Variants in DGKB observed in about 807,000 individuals in gnomAD.
The protein encoded by DGKB is diacylglycerol kinase beta.
DGKB carries 67 observed loss-of-function variants against 114.3 expected under a neutral mutation model. The observed-to-expected ratio is 0.59, with a 90% CI of 0.48 to 0.72. The LOEUF is 0.72. Among genes scored for constraint, DGKB ranks in the 30% least tolerant of loss-of-function variants. The pLI, the probability that DGKB is intolerant of heterozygous loss-of-function variation, is 0.00. For synonymous variants in DGKB, 398 were observed against 323.1 expected (o/e 1.23, Z -2.49); for missense variants, 907 against 975.2 (o/e 0.93, Z 0.93).
At chr7:14,647,786 C>T (rs143995081) in intron 13 of DGKB, among the ~76,000 whole-genome samples, 2,059 of 152,274 alleles carry the variant, frequency 0.014, 16 homozygotes, top group African/African-American at 0.018. Flanking sequence ...AGTGGTCGCG[C>T]GCACCATGCG....
intron 23 of DGKB, among the ~76,000 whole-genome samples, chr7:14,187,520 G>A (rs1486945844): frequency 1.3e-5 from 2 of 152,110 alleles, no homozygotes; most frequent in Non-Finnish European, 2.9e-5. Context: ...AACCAGCCTA[G>A]CGCTCCTGTC....
intron 23 of DGKB, among the ~76,000 whole-genome samples, chr7:14,304,085 A>ACT (rs1436692665): frequency 2.9e-3 from 84 of 28,540 alleles, no homozygotes; most frequent in African/African-American, 9.0e-3. Flanking sequence ...ACACACACAC[A>ACT]CACTCTCTCT....
chr7:14,601,722 G>C (rs62445593), intron 17 of DGKB, among the ~76,000 whole-genome samples: 2,876 of 152,206 alleles, frequency 0.019, 46 homozygotes, highest in Non-Finnish European at 0.027. Context: ...CCACAAAATA[G>C]TAGGACATGG....
rs1454279530 is a variant in DGKB at position 14,682,741 on chromosome 7, A to C, written c.918+12T>G. The C allele has an allele frequency of 3.1e-6, 5 of 1,612,172 alleles. No homozygotes were observed. Among genetic ancestry groups the C allele is most frequent in the Non-Finnish European group, 4.2e-6 (5 of 1,178,610 alleles). ...GGCCACCTTCAGAAAGCAAGCATGC[A>C]CACAAACTTACATCAGTGTTCCTTT... On this transcript the variant is annotated intron_variant, in intron 11 of 25. Transcript: ENST00000402815.
intron 20 of DGKB, among the ~76,000 whole-genome samples, chr7:14,498,151 G>C (rs1785578017): frequency 6.6e-6 from 1 of 151,796 alleles, no homozygotes; most frequent in African/African-American, 2.4e-5. Context: ...TGCTTAATTT[G>C]TGAAAACAAT....
intron 6 of DGKB, among the ~76,000 whole-genome samples, chr7:14,705,006 C>T (rs1373659413): frequency 5.9e-5 from 9 of 151,266 alleles, no homozygotes; most frequent in East Asian, 3.9e-4. Context: ...AGGCTTCAGA[C>T]GATCAAATTA....
chr7:14,382,150 A>G (rs1364892573), intron 21 of DGKB, among the ~76,000 whole-genome samples: 1 of 152,224 alleles, frequency 6.6e-6, no homozygotes, highest in African/African-American at 2.4e-5. Context: ...TAGTCCCGCC[A>G]AGAAGGATCG....
At chr7:14,674,747 A>G (rs1256191021) in intron 12 of DGKB, among the ~76,000 whole-genome samples, 4 of 152,242 alleles carry the variant, frequency 2.6e-5, no homozygotes, top group Middle Eastern at 3.4e-3. Flanking sequence ...ATAGGTCGAT[A>G]TCTGAGTGAT....
intron 23 of DGKB, among the ~76,000 whole-genome samples, chr7:14,215,110 C>T (rs895622808): frequency 7.9e-5 from 12 of 152,106 alleles, no homozygotes; most frequent in Admixed American, 3.3e-4. Flanking sequence ...TGATTATGAC[C>T]GGAGGCAGCA....
intron 23 of DGKB, among the ~76,000 whole-genome samples, chr7:14,271,509 C>T (rs2128433641): frequency 6.6e-6 from 1 of 152,272 alleles, no homozygotes; most frequent in African/African-American, 2.4e-5. Flanking sequence ...GGCACAGAGG[C>T]CGCAAAGCCT....
intron 23 of DGKB, among the ~76,000 whole-genome samples, chr7:14,295,651 G>A (rs191024419): frequency 6.6e-6 from 1 of 151,906 alleles, no homozygotes; most frequent in African/African-American, 2.4e-5. Flanking sequence ...TTGCTTTCCA[G>A]TAAATAAATA....
chr7:14,460,237 C>A (rs1832874599), intron 21 of DGKB, among the ~76,000 whole-genome samples: 1 of 152,068 alleles, frequency 6.6e-6, no homozygotes, highest in Non-Finnish European at 1.5e-5. Context: ...GGATCAAATT[C>A]ACACATAACA....
chr7:14,797,453 C>A (rs1364738899), intron 2 of DGKB, among the ~76,000 whole-genome samples: 1 of 152,082 alleles, frequency 6.6e-6, no homozygotes, highest in Admixed American at 6.6e-5. Context: ...AGATGCTTAT[C>A]CAGAAGGGCT....
chr7:14,667,547 T>C (rs927562473), intron 13 of DGKB, among the ~76,000 whole-genome samples: 1 of 152,052 alleles, frequency 6.6e-6, no homozygotes, highest in Non-Finnish European at 1.5e-5. Context: ...AACTGGGGCA[T>C]ACAATTTCTT....
intron 23 of DGKB, among the ~76,000 whole-genome samples, chr7:14,316,002 T>C (rs1806416031): frequency 6.6e-6 from 1 of 151,224 alleles, no homozygotes. Context: ...CTCAACTACA[T>C]GGAAACTGAA....
intron 2 of DGKB, among the ~76,000 whole-genome samples, chr7:14,827,327 C>T (rs1315035438): frequency 2.0e-5 from 3 of 151,946 alleles, no homozygotes; most frequent in Admixed American, 1.3e-4. Context: ...CACCTGAATC[C>T]AAGTATGCCA....
chr7:14,170,150 AAAGAAAG>A (rs1562523260), intron 25 of DGKB, among the ~76,000 whole-genome samples: 25 of 29,864 alleles, frequency 8.4e-4, no homozygotes, highest in African/African-American at 3.7e-3. Context: ...AAAAAAAAAG[AAAGAAAG>A]AAAGAAAGAA....
intron 1 of DGKB, among the ~76,000 whole-genome samples, chr7:14,894,138 T>C: frequency 6.6e-6 from 1 of 151,326 alleles, no homozygotes; most frequent in Non-Finnish European, 1.5e-5. Flanking sequence ...TTATACTAAA[T>C]CCTGTTTTAG....
chr7:14,330,176 A>G (rs1809477282), intron 23 of DGKB, among the ~76,000 whole-genome samples: 1 of 152,054 alleles, frequency 6.6e-6, no homozygotes, highest in African/African-American at 2.4e-5. Flanking sequence ...CAGAAGTCAT[A>G]TAAGATTAAC....
Sources: gnomAD v4.1 joint callset for allele counts (sites outside exome capture counted in the v4.1 genomes callset) on GRCh38, gnomAD v4.1.1 for gene constraint, MANE v1.5 for transcripts, NCBI Gene and HGNC (gene_info 2026-07-23, HGNC 2026-07-21) for gene names.